Variants in KIF6 observed in about 807,000 individuals in gnomAD.
The protein encoded by KIF6 is kinesin family member 6.
Under a neutral mutation model 112.7 loss-of-function variants are expected in KIF6, and 106 were observed. The ratio of observed to expected loss-of-function variants is 0.94; its 90% CI spans 0.80 to 1.11. The LOEUF (loss-of-function observed/expected upper bound fraction) is 1.11, where lower values mean the gene tolerates loss of function less well. KIF6 is among the 50% of genes least tolerant of loss of function. The pLI is 0.00. For missense variants in KIF6, 929 were observed against 964.0 expected (o/e 0.96, Z 0.48); for synonymous variants, 339 against 339.9 (o/e 1.00, Z 0.03).
At chr6:39,550,203 TA>T (rs773259604) in intron 10 of KIF6, among the ~76,000 whole-genome samples, 1 of 152,174 alleles carries the variant, frequency 6.6e-6, no homozygotes, top group East Asian at 1.9e-4. Context: ...ATAATCTTTG[TA>T]AAAAAATATG....
At chr6:39,644,180 G>A (rs1349251846) in intron 3 of KIF6, among the ~76,000 whole-genome samples, 2 of 151,674 alleles carry the variant, frequency 1.3e-5, no homozygotes, top group African/African-American at 4.8e-5. Flanking sequence ...AAGAGACAAT[G>A]AGAAGTGCTG....
intron 6 of KIF6, among the ~76,000 whole-genome samples, chr6:39,598,329 A>G (rs1357705971): frequency 6.6e-6 from 1 of 152,222 alleles, no homozygotes; most frequent in African/African-American, 2.4e-5. Context: ...GCTCAAATTT[A>G]TACATAATCA....
chr6:39,392,145 T>C (rs1475299061), intron 15 of KIF6, among the ~76,000 whole-genome samples: 3 of 152,248 alleles, frequency 2.0e-5, no homozygotes, highest in African/African-American at 4.8e-5. Context: ...AGTAATATTG[T>C]GCTATAGATC....
intron 5 of KIF6, among the ~76,000 whole-genome samples, chr6:39,626,722 G>A (rs769311839): frequency 4.3e-4 from 66 of 152,230 alleles, no homozygotes; most frequent in Non-Finnish European, 7.9e-4. Context: ...CGTGGATGAG[G>A]GAAGGGATTC....
chr6:39,565,372 T>C (rs1392735695), intron 10 of KIF6, among the ~76,000 whole-genome samples: 1 of 152,214 alleles, frequency 6.6e-6, no homozygotes, highest in African/African-American at 2.4e-5. Context: ...TCTGCTTCTT[T>C]GACAGCTCTA....
rs542311282 is a variant in KIF6, at chr6:39,391,961, G to A, written c.1811-6289C>T. 9.6e-5 allele frequency among the ~76,000 whole-genome samples: 14 copies of A among 145,808 alleles called. No homozygotes were observed. The South Asian group carries it at 1.1e-3, about 11-fold the overall frequency. Reference sequence around the variant, plus strand: ...TATGAATGCATGTATATATATATATGTGTGTGTGTGTGTATACATGTATTT... The same window carrying A: ...TATGAATGCATGTATATATATATATATGTGTGTGTGTGTATACATGTATTT... On this transcript the variant is annotated intron_variant, in intron 15 of 22. Transcript: ENST00000287152.
At chr6:39,345,336 C>G (rs567124736) in intron 21 of KIF6, among the ~76,000 whole-genome samples, 85 of 152,340 alleles carry the variant, frequency 5.6e-4, no homozygotes, top group Admixed American at 4.4e-3. Context: ...TCTGGTAAGC[C>G]TGGAAGCAAA....
chr6:39,354,963 A>G (rs528517788), intron 19 of KIF6, among the ~76,000 whole-genome samples: 1 of 152,268 alleles, frequency 6.6e-6, no homozygotes, highest in African/African-American at 2.4e-5. Flanking sequence ...GGATCACTTG[A>G]GCCAAGAAAT....
At chr6:39,589,671 A>C (rs1781824855) in intron 7 of KIF6, among the ~76,000 whole-genome samples, 1 of 152,190 alleles carries the variant, frequency 6.6e-6, no homozygotes, top group Non-Finnish European at 1.5e-5. Flanking sequence ...GGAACATCAG[A>C]TCTGCGGGGG....
intron 15 of KIF6, among the ~76,000 whole-genome samples, chr6:39,388,750 C>G (rs182037228): frequency 6.6e-6 from 1 of 152,084 alleles, no homozygotes; most frequent in Non-Finnish European, 1.5e-5. Context: ...GATAAATTTG[C>G]TGGTTTTGGC....
chr6:39,724,033 A>AG (rs1471907192), intron 1 of KIF6, among the ~76,000 whole-genome samples: 2 of 152,240 alleles, frequency 1.3e-5, no homozygotes, highest in Non-Finnish European at 2.9e-5. Context: ...CCAACCTTGC[A>AG]GGGTTCTTGT....
chr6:39,699,978 C>A (rs1409423588), intron 3 of KIF6, among the ~76,000 whole-genome samples: 1 of 152,094 alleles, frequency 6.6e-6, no homozygotes, highest in Non-Finnish European at 1.5e-5. Flanking sequence ...GCTCACAAAT[C>A]ATTTTTTCTG....
At chr6:39,508,073 T>A (rs893109910) in intron 13 of KIF6, among the ~76,000 whole-genome samples, 24 of 151,084 alleles carry the variant, frequency 1.6e-4, no homozygotes, top group African/African-American at 5.1e-4. Context: ...TTTCTTTTTT[T>A]TGTTGTTGTG....
rs189570084 is a variant in KIF6, at chr6:39,445,520, G to T, written c.1646-14359C>A. ...TATGGTTAGTTGGAGATAAGTAAAA[G>T]AAATATTGTCCTTGACCATACAATT... On this transcript the variant is annotated intron_variant, in intron 13 of 22. Transcript: ENST00000287152. Among the ~76,000 whole-genome samples the T allele has an allele frequency of 4.6e-5, 7 of 152,336 alleles. No homozygotes were observed. The East Asian group carries it at 1.2e-3, about 25-fold the overall frequency.
At chr6:39,690,495 G>A (rs1022200920) in intron 3 of KIF6, 2 of 152,384 alleles carry the variant, frequency 1.3e-5, no homozygotes, top group African/African-American at 4.8e-5. Context: ...GGAGTGTCTA[G>A]AGCAGGAGGC....
intron 13 of KIF6, among the ~76,000 whole-genome samples, chr6:39,468,600 G>C (rs1047124870): frequency 1.3e-5 from 2 of 152,110 alleles, no homozygotes; most frequent in African/African-American, 4.8e-5. Context: ...TGTCAACCAA[G>C]ACTCTTGTAT....
intron 13 of KIF6, among the ~76,000 whole-genome samples, chr6:39,489,695 T>A (rs1775348362): frequency 6.6e-6 from 1 of 152,122 alleles, no homozygotes; most frequent in South Asian, 2.1e-4. Flanking sequence ...AGGAGAGCTA[T>A]GTGACAAGGG....
At chr6:39,482,417 CT>C (rs1272356989) in intron 13 of KIF6, among the ~76,000 whole-genome samples, 1 of 152,150 alleles carries the variant, frequency 6.6e-6, no homozygotes, top group Non-Finnish European at 1.5e-5. Context: ...TTCCCAGTCC[CT>C]TTAGGCCCTT....
At chr6:39,367,775 T>G (rs1765679845) in intron 16 of KIF6, among the ~76,000 whole-genome samples, 2 of 152,170 alleles carry the variant, frequency 1.3e-5, no homozygotes, top group Non-Finnish European at 2.9e-5. Flanking sequence ...TGCCCTCCTC[T>G]CAAACGCTCT....
Sources: gnomAD v4.1 joint callset for allele counts (sites outside exome capture counted in the v4.1 genomes callset) on GRCh38, gnomAD v4.1.1 for gene constraint, MANE v1.5 for transcripts, NCBI Gene and HGNC (gene_info 2026-07-23, HGNC 2026-07-21) for gene names.